DMD: variants seen among roughly 807,000 people sequenced by gnomAD.
The protein encoded by DMD is dystrophin.
A neutral mutation model predicts 330.1 loss-of-function variants in DMD; 63 were observed. The observed-to-expected ratio is 0.19, with a 90% CI of 0.16 to 0.24. DMD has a LOEUF of 0.24. Among genes scored for constraint, DMD ranks in the 10% least tolerant of loss-of-function variants. The pLI is 1.00. For missense variants in DMD, 3,344 were observed against 2,684.1 expected, an observed-to-expected ratio of 1.25 and a Z score of -5.43; for synonymous variants, 1,223 against 959.8, an observed-to-expected ratio of 1.27 and a Z score of -5.07.
At chrX:32,773,025 T>G (rs2073789665) in intron 7 of DMD, among the ~76,000 whole-genome samples, 1 of 111,835 alleles carries the variant, frequency 8.9e-6, no homozygotes, top group African/African-American at 3.3e-5. Flanking sequence ...GTAAAACTCT[T>G]AAGTATCCTT....
At chrX:32,808,735 C>T (rs1022955236) in intron 7 of DMD, among the ~76,000 whole-genome samples, 2 of 111,970 alleles carry the variant, frequency 1.8e-5, no homozygotes, top group African/African-American at 6.5e-5. Context: ...CCACCGATTT[C>T]ACTTTTCCAA....
intron 7 of DMD, among the ~76,000 whole-genome samples, chrX:32,743,292 T>C: frequency 9.0e-6 from 1 of 111,480 alleles, no homozygotes; most frequent in Admixed American, 9.6e-5. Context: ...GAGCGCCAGT[T>C]GTCCACCACA....
intron 48 of DMD, among the ~76,000 whole-genome samples, chrX:31,842,429 G>A (rs1455272678): frequency 3.6e-5 from 4 of 112,266 alleles, no homozygotes; most frequent in Non-Finnish European, 7.5e-5. Flanking sequence ...CAGGGTATGA[G>A]AGCCTTGACC....
chrX:32,871,990 C>A (rs996204141), intron 2 of DMD, among the ~76,000 whole-genome samples: 3 of 110,517 alleles, frequency 2.7e-5, no homozygotes, highest in African/African-American at 6.6e-5. Context: ...GCACTCCAGG[C>A]ATGATTAAAT....
At chrX:31,330,146 T>C (rs1017536886) in intron 61 of DMD, among the ~76,000 whole-genome samples, 1 of 107,560 alleles carries the variant, frequency 9.3e-6, no homozygotes, top group Non-Finnish European at 1.9e-5. Context: ...TGTCCAAACT[T>C]ACCAAATTAC....
chrX:31,220,943 G>A (rs1409925418), intron 64 of DMD, among the ~76,000 whole-genome samples: 1 of 63,610 alleles, frequency 1.6e-5, no homozygotes, highest in Non-Finnish European at 2.7e-5. Context: ...TACCGTTAGC[G>A]TTAGTGTATT....
chrX:31,932,512 G>T lies in DMD; in HGVS notation c.6615-285C>A, dbSNP rs999554351. On this transcript the variant is annotated intron_variant, in intron 45 of 78. Coordinates refer to ENST00000357033, the MANE Select transcript of DMD (RefSeq NM_004006.3). ...TGTAACCCTAGCGCTTAGGGAGGCC[G>T]ATGTGGGCGGATCACTTGAGGTCAG... is the stretch of plus-strand genomic sequence containing the variant. Among the ~76,000 whole-genome samples the T allele has an allele frequency of 2.7e-5, 3 of 111,886 alleles. No individual in the cohort carries two copies. In the Admixed American group the frequency reaches 2.8e-4, roughly 11 times the overall value.
intron 23 of DMD, among the ~76,000 whole-genome samples, chrX:32,466,475 T>A (rs1476093367): frequency 9.0e-6 from 1 of 111,431 alleles, no homozygotes; most frequent in Admixed American, 9.6e-5. Context: ...CCCCAAGATG[T>A]CCTCACCCTA....
intron 4 of DMD, among the ~76,000 whole-genome samples, chrX:32,843,634 T>A (rs1201621138): frequency 1.8e-5 from 2 of 112,301 alleles, no homozygotes; most frequent in Admixed American, 1.9e-4. Context: ...TTATGGTTAT[T>A]TTAAGAGTAA....
At chrX:31,838,646 T>C (rs1322421422) in intron 48 of DMD, among the ~76,000 whole-genome samples, 1 of 112,105 alleles carries the variant, frequency 8.9e-6, no homozygotes, top group Non-Finnish European at 1.9e-5. Context: ...AGCTTCATCA[T>C]AGCTGTAGAC....
At chrX:32,699,010 G>C (rs1031266768) in intron 8 of DMD, 102 bp downstream of exon 8, 5 of 706,920 alleles carry the variant, frequency 7.1e-6, no homozygotes, top group Non-Finnish European at 6.6e-6. Flanking sequence ...ATATATACAC[G>C]TGTATATACA....
intron 44 of DMD, among the ~76,000 whole-genome samples, chrX:31,969,498 T>C (rs1478197106): frequency 1.8e-5 from 2 of 111,165 alleles, no homozygotes; most frequent in African/African-American, 6.5e-5. Flanking sequence ...ATAATGTGCG[T>C]ATGTAGAAAA....
intron 78 of DMD, 152 bp downstream of exon 78, chrX:31,126,490 G>A: frequency 2.0e-6 from 1 of 509,278 alleles, no homozygotes. Flanking sequence ...CTCATGAGCT[G>A]CAAGTGGAGA....
intron 54 of DMD, among the ~76,000 whole-genome samples, chrX:31,630,890 T>C (rs1420479197): frequency 9.0e-6 from 1 of 111,700 alleles, no homozygotes; most frequent in Admixed American, 9.5e-5. Flanking sequence ...CATAACAAAG[T>C]TTTATAATCA....
chrX:32,201,088 C>T (rs780792794), intron 44 of DMD, among the ~76,000 whole-genome samples: 3 of 111,713 alleles, frequency 2.7e-5, no homozygotes, highest in Non-Finnish European at 5.6e-5. Flanking sequence ...GTAGGGGATA[C>T]ATTCCAAGAC....
rs1177043483 is a variant in DMD at position 32,456,604 on chromosome X, GTGTGTGTGTGTGTA to G, written c.3433-1786_3433-1773del. The stretch of plus-strand genomic sequence containing the variant: ...TGTGTGTGTGTGTGTGTGTGTGTGT[GTGTGTGTGTGTGTA>G]TGTGTGTGTGTGTGTGCACGTGCTC... On this transcript the variant is annotated intron_variant, in intron 25 of 78. Coordinates refer to ENST00000357033, the MANE Select transcript of DMD (RefSeq NM_004006.3). Among the ~76,000 whole-genome samples the G allele has an allele frequency of 2.3e-3, 240 of 103,405 alleles. 2 individuals carry two copies. Among genetic ancestry groups the G allele is most frequent in the African/African-American group, 8.2e-3 (228 of 27,790 alleles). 89.8% of individuals were successfully genotyped at this position (103,405 alleles called of 115,157 possible). A position where few individuals can be genotyped will look rare whatever the true frequency, so the allele number is the denominator to read the frequency against.
At chrX:32,689,013 T>G (rs972233741) in intron 9 of DMD, among the ~76,000 whole-genome samples, 1 of 111,159 alleles carries the variant, frequency 9.0e-6, no homozygotes, top group Admixed American at 9.6e-5. Flanking sequence ...TGGAGTTACA[T>G]CTTTGTAAGA....
chrX:32,488,216 C>T (rs760483700), intron 20 of DMD, among the ~76,000 whole-genome samples: 22 of 111,925 alleles, frequency 2.0e-4, no homozygotes, highest in Non-Finnish European at 3.8e-4. Context: ...AACAATTAGC[C>T]ATTATTTCCA....
intron 55 of DMD, among the ~76,000 whole-genome samples, chrX:31,626,186 T>C (rs992548169): frequency 2.2e-5 from 2 of 93,023 alleles, no homozygotes; most frequent in Admixed American, 2.5e-4. Flanking sequence ...GGTTTCGCCA[T>C]GTTGGCCAGG....
Sources: gnomAD v4.1 joint callset for allele counts (sites outside exome capture counted in the v4.1 genomes callset) on GRCh38, gnomAD v4.1.1 for gene constraint, MANE v1.5 for transcripts, NCBI Gene and HGNC (gene_info 2026-07-23, HGNC 2026-07-21) for gene names.